Variants in PTPN13 observed in about 807,000 individuals in gnomAD.
The protein encoded by PTPN13 is tyrosine-protein phosphatase non-receptor type 13.
PTPN13 carries 191 observed loss-of-function variants against 284.0 expected under a neutral mutation model. The ratio of observed to expected loss-of-function variants is 0.67; its 90% CI spans 0.60 to 0.76. PTPN13 has a LOEUF of 0.76. Among genes scored for constraint, PTPN13 ranks in the 30% least tolerant of loss-of-function variants. The probability of loss-of-function intolerance (pLI) is 0.00; values close to 1 mark genes in which losing one functional copy is unlikely to be tolerated. For missense variants in PTPN13, 2,797 were observed against 2,939.9 expected (o/e 0.95, Z 1.12); for synonymous variants, 986 against 1,022.3 (o/e 0.96, Z 0.68).
chr4:86,745,442 G>A (rs12499575), intron 17 of PTPN13, among the ~76,000 whole-genome samples: 12,442 of 152,244 alleles, frequency 0.082, 646 homozygotes, highest in Non-Finnish European at 0.11. Flanking sequence ...ATATTTGGAA[G>A]GGTAAGACCA....
intron 2 of PTPN13, among the ~76,000 whole-genome samples, chr4:86,649,164 T>C (rs1724796068): frequency 6.6e-6 from 1 of 152,206 alleles, no homozygotes; most frequent in African/African-American, 2.4e-5. Context: ...TCTCCCATTC[T>C]GTGGGTTGTC....
chr4:86,750,921 T>A, intron 18 of PTPN13, 34 bp downstream of exon 18: 1 of 1,589,686 alleles, frequency 6.3e-7, no homozygotes, highest in African/African-American at 1.4e-5. Context: ...ATTACATATT[T>A]GTAAATTCTA....
intron 6 of PTPN13, among the ~76,000 whole-genome samples, chr4:86,697,378 C>T (rs1397975585): frequency 6.6e-6 from 1 of 151,950 alleles, no homozygotes; most frequent in Non-Finnish European, 1.5e-5. Context: ...GGGGATAATG[C>T]CTTATACCTA....
At chr4:86,753,140 A>G (rs1737581234) in intron 20 of PTPN13, 75 bp downstream of exon 20, 1 of 1,165,544 alleles carries the variant, frequency 8.6e-7, no homozygotes, top group East Asian at 2.4e-5. Context: ...GGACCTAACA[A>G]TGAAGAGTCT....
intron 12 of PTPN13, 77 bp from the exon 13 acceptor site, chr4:86,734,226 C>A: frequency 8.4e-7 from 1 of 1,191,990 alleles, no homozygotes; most frequent in Non-Finnish European, 1.1e-6. Context: ...GCAAGTCTGA[C>A]CAAAAAGTGA....
intron 2 of PTPN13, chr4:86,661,097 G>T (rs1253424118): frequency 2.2e-6 from 1 of 453,970 alleles, no homozygotes; most frequent in East Asian, 7.1e-5. Context: ...TTACCACCCA[G>T]ATTCAGAGCA....
At chr4:86,607,977 A>C (rs1764942843) in intron 1 of PTPN13, among the ~76,000 whole-genome samples, 1 of 152,062 alleles carries the variant, frequency 6.6e-6, no homozygotes, top group South Asian at 2.1e-4. Flanking sequence ...AATTGGAAAC[A>C]AATAGCTTAG....
chr4:86,787,592 C>CAAA lies in PTPN13; in HGVS notation c.6345+1668_6345+1670dup, dbSNP rs71657586. Among the ~76,000 whole-genome samples the CAAA allele has an allele frequency of 1.8e-4, 24 of 130,736 alleles. 1 individual carries two copies. Among genetic ancestry groups the CAAA allele is most frequent in the African/African-American group, 2.8e-4 (10 of 36,038 alleles). The allele number at this position is 130,736 out of a possible 152,430, so 85.8% of individuals were successfully genotyped here. A position where few individuals can be genotyped will look rare whatever the true frequency, so the allele number is the denominator to read the frequency against. On this transcript the variant is annotated intron_variant, in intron 40 of 47. Coordinates refer to ENST00000411767, the MANE Select transcript of PTPN13 (RefSeq NM_080683.3). ...GGGCAACAAGAGCGAGATTCTGTCT[C>CAAA]AAAAAAAAAAAAAAGTCCCTTTTTA... is the stretch of plus-strand genomic sequence containing the variant.
intron 2 of PTPN13, among the ~76,000 whole-genome samples, chr4:86,643,954 T>C (rs1449247361): frequency 6.6e-6 from 1 of 152,022 alleles, no homozygotes; most frequent in Non-Finnish European, 1.5e-5. Flanking sequence ...AAAAACAGTA[T>C]CAGGTGACAT....
In PTPN13 at chr4:86,764,673, C is replaced by A; in HGVS notation, c.4098C>A (p.Ile1366=). Residue 1366 remains isoleucine (I), a synonymous_variant, in exon 25 of 48, where the codon ATC becomes ATA. Transcript: ENST00000411767. ...CATCACCTCCTAAGCCTGGAGATAT[C>A]TTTGAGGTTGAACTGGCTAAAAATG... ...FSSSPPKPGD[I]FEVELAKNDN... 1.9e-6 allele frequency: 3 copies of A among 1,606,766 alleles called. No homozygotes were observed. The highest frequency in any genetic ancestry group is 1.7e-6 in the Non-Finnish European group (2 of 1,177,692).
chr4:86,700,505 A>T (rs1204662451), intron 6 of PTPN13, among the ~76,000 whole-genome samples: 1 of 152,134 alleles, frequency 6.6e-6, no homozygotes, highest in Middle Eastern at 3.2e-3. Flanking sequence ...CTGATTTTTA[A>T]CTATATCAAG....
intron 7 of PTPN13, among the ~76,000 whole-genome samples, chr4:86,714,923 G>T (rs1178478557): frequency 2.0e-5 from 3 of 152,134 alleles, no homozygotes; most frequent in South Asian, 4.1e-4. Flanking sequence ...ATGAGGCAAC[G>T]TGAAAGTAAG....
At chr4:86,792,649 A>G (rs1006968767) in intron 40 of PTPN13, among the ~76,000 whole-genome samples, 5 of 152,216 alleles carry the variant, frequency 3.3e-5, no homozygotes, top group Non-Finnish European at 7.4e-5. Flanking sequence ...CCATCAGAAT[A>G]ACAGCGATCT....
At position 86,775,318 on chromosome 4, in the gene PTPN13, C is replaced by A. The variant is rs756485366; in HGVS notation, c.5656C>A (p.Leu1886Ile). 6.2e-7 allele frequency: 1 copy of A among 1,612,066 alleles called. No individual in the cohort carries two copies. The highest frequency in any genetic ancestry group is 8.5e-7 in the Non-Finnish European group (1 of 1,179,282). The stretch of plus-strand genomic sequence containing the variant: ...GCCTCATTTGCTACCGGACATAACA[C>A]TAACGTGCAACAAAGAGGAGTTGGG... Reference protein sequence around the residue: ...MLPHLLPDITLTCNKEELGFS... With the variant: ...MLPHLLPDITITCNKEELGFS... The change falls in exon 34 of 48, where the codon CTA (leucine) becomes ATA (isoleucine). Residue 1886 changes from leucine (L) to isoleucine (I), a missense_variant. Leu to Ile is a conservative substitution (Grantham distance 5). Transcript: ENST00000411767.
intron 1 of PTPN13, among the ~76,000 whole-genome samples, chr4:86,600,289 C>T (rs1039670553): frequency 5.3e-5 from 8 of 151,908 alleles, no homozygotes; most frequent in African/African-American, 1.9e-4. Flanking sequence ...CATCCTATAC[C>T]CCCTCCTTAC....
At chr4:86,798,403 C>A (rs1743604315) in intron 41 of PTPN13, among the ~76,000 whole-genome samples, 1 of 152,180 alleles carries the variant, frequency 6.6e-6, no homozygotes, top group African/African-American at 2.4e-5. Context: ...GAGCATTAGT[C>A]CATGTCCTGG....
Position 86,732,400 on chromosome 4 carries a change from A to T in PTPN13, c.1609A>T (p.Asn537Tyr). 1 of 1,587,280 alleles carries T rather than the reference A, an allele frequency of 6.3e-7. No homozygotes were observed. Among genetic ancestry groups the T allele is most frequent in the African/African-American group, 1.3e-5 (1 of 74,530 alleles). ...ETAMTQRKLR[N>Y]FFGPEFVKMT... ...TTGATTCTGCTTATGTGATTTGCAG[A>T]ATTTCTTTGGCCCTGAGTTTGTGAA... is the stretch of plus-strand genomic sequence containing the variant. The change falls in exon 11 of 48, where the codon AAT becomes TAT. Residue 537 changes from asparagine (N) to tyrosine (Y), a missense_variant and splice_region_variant. Transcript: ENST00000411767.
chr4:86,708,144 A>G (rs1441624355), intron 7 of PTPN13, among the ~76,000 whole-genome samples: 6 of 152,182 alleles, frequency 3.9e-5, no homozygotes, highest in African/African-American at 1.4e-4. Context: ...CAATGTAGGT[A>G]GTGCAACTGA....
At chr4:86,600,012 A>G (rs1282203835) in intron 1 of PTPN13, among the ~76,000 whole-genome samples, 1 of 152,204 alleles carries the variant, frequency 6.6e-6, no homozygotes, top group Non-Finnish European at 1.5e-5. Flanking sequence ...CTTTTTGCTA[A>G]AGATCCTTTT....
Sources: gnomAD v4.1 joint callset for allele counts (sites outside exome capture counted in the v4.1 genomes callset) on GRCh38, gnomAD v4.1.1 for gene constraint, MANE v1.5 for transcripts, NCBI Gene and HGNC (gene_info 2026-07-23, HGNC 2026-07-21) for gene names.